FHIP2B: variants seen among roughly 807,000 people sequenced by gnomAD.
FHIP2B encodes the protein FHF complex subunit HOOK interacting protein 2B.
A neutral mutation model predicts 84.0 loss-of-function variants in FHIP2B; 72 were observed. That is an observed-to-expected ratio of 0.86 (90% CI 0.71 to 1.04). FHIP2B has a LOEUF of 1.04. Among genes scored for constraint, FHIP2B ranks in the 50% least tolerant of loss-of-function variants. The pLI is 0.00. For synonymous variants in FHIP2B, 497 were observed against 418.7 expected, an observed-to-expected ratio of 1.19 and a Z score of -2.28; for missense variants, 972 against 968.9, an observed-to-expected ratio of 1.00 and a Z score of -0.04.
intron 1 of FHIP2B, among the ~76,000 whole-genome samples, chr8:22,090,912 C>G (rs1703413925): frequency 6.6e-6 from 1 of 152,102 alleles, no homozygotes; most frequent in Non-Finnish European, 1.5e-5. Flanking sequence ...GCCACCGCAC[C>G]CGGCTAGGAG....
chr8:22,089,785 G>A, intron 1 of FHIP2B: 1 of 1,286,184 alleles, frequency 7.8e-7, no homozygotes, highest in African/African-American at 1.5e-5. Context: ...TTGTTGGGGT[G>A]CAGGACGCCC....
chr8:22,098,808 T>A, intron 7 of FHIP2B, 140 bp from the exon 8 acceptor site: 1 of 941,602 alleles, frequency 1.1e-6, no homozygotes, highest in South Asian at 1.7e-5. Flanking sequence ...GCTGCCTCTG[T>A]CCATAAAACC....
At position 22,103,725 on chromosome 8, in the gene FHIP2B, T is replaced by G. The variant is rs1826252140; in HGVS notation, c.*794T>G. 1 of 152,330 alleles carries G rather than the reference T, an allele frequency of 6.6e-6. No individual in the cohort carries two copies. Among genetic ancestry groups the G allele is most frequent in the Admixed American group, 6.5e-5 (1 of 15,286 alleles). The allele number at this position is 152,330 out of a possible 1,614,324, so 9.4% of individuals were successfully genotyped here. The stretch of plus-strand genomic sequence containing the variant: ...GACCAGGGGAGGCCGGGCCTTGCCC[T>G]CCCTTCTGCCCAGGGCCCAGTGTTC... On this transcript the variant is annotated 3_prime_UTR_variant, in exon 17 of 17. Transcript: ENST00000289921.
chr8:22,097,609 A>G lies in FHIP2B; in HGVS notation c.391A>G (p.Arg131Gly), dbSNP rs1463034834. The change falls in exon 4 of 17, where the codon AGG (arginine) becomes GGG (glycine). Residue 131 changes from arginine (R) to glycine (G), a missense_variant. Physicochemically the swap from Arg to Gly is moderately radical, Grantham distance 125. Coordinates refer to ENST00000289921, the MANE Select transcript of FHIP2B (RefSeq NM_022749.7). ...HPLLHYLSVHRPVQKLLRLGG... is the reference protein window; with the variant it reads ...HPLLHYLSVHGPVQKLLRLGG... ...CCTGCTGCATTACCTCAGCGTCCAC[A>G]GGCCTGTGCAGGTGAGGGGCCCGGA... The G allele has an allele frequency of 6.2e-7, 1 of 1,605,738 alleles. No homozygotes were observed. The highest frequency in any genetic ancestry group is 2.2e-5 in the East Asian group (1 of 44,494).
intron 1 of FHIP2B, among the ~76,000 whole-genome samples, chr8:22,091,456 C>T (rs1825488741): frequency 6.6e-6 from 1 of 152,158 alleles, no homozygotes; most frequent in African/African-American, 2.4e-5. Context: ...GTTGGCCAGG[C>T]TGGTCTCGAA....
At chr8:22,098,808 T>C (rs1024525325) in intron 7 of FHIP2B, 140 bp from the exon 8 acceptor site, 2 of 941,602 alleles carry the variant, frequency 2.1e-6, no homozygotes, top group African/African-American at 3.3e-5. Flanking sequence ...GCTGCCTCTG[T>C]CCATAAAACC....
At chr8:22,099,610 C>A in intron 9 of FHIP2B, 94 bp from the exon 10 acceptor site, 1 of 1,397,710 alleles carries the variant, frequency 7.2e-7, no homozygotes. Context: ...GACATACCAG[C>A]CAAACATGCG....
chr8:22,094,418 G>T, intron 1 of FHIP2B, 22 bp from the exon 2 acceptor site: 1 of 1,584,794 alleles, frequency 6.3e-7, no homozygotes, highest in South Asian at 1.1e-5. Context: ...CCCCACTGAG[G>T]TTGTGTGTCT....
At position 22,089,175 on chromosome 8, in the gene FHIP2B, C is replaced by T; in HGVS notation, c.-79C>T. ...GCCCCCCTCGTCGCGCCGGGGCCGC[C>T]GGGGCCACGGGGCTGCCTCCTCCGC... On this transcript the variant is annotated 5_prime_UTR_variant, in exon 1 of 17. Transcript: ENST00000289921. 1.1e-6 allele frequency: 1 copy of T among 938,700 alleles called. No homozygotes were observed. Among genetic ancestry groups the T allele is most frequent in the Non-Finnish European group, 1.3e-6 (1 of 772,658 alleles). 58.1% of individuals were successfully genotyped at this position (938,700 alleles called of 1,614,324 possible). A position where few individuals can be genotyped will look rare whatever the true frequency, so the allele number is the denominator to read the frequency against.
At chr8:22,099,566 G>A (rs1586337696) in intron 9 of FHIP2B, 138 bp from the exon 10 acceptor site, 4 of 1,155,068 alleles carry the variant, frequency 3.5e-6, no homozygotes, top group Non-Finnish European at 2.4e-6. Context: ...ACCCTTCCCT[G>A]CAGGACCTCA....
chr8:22,090,318 C>T (rs1782623495), intron 1 of FHIP2B, among the ~76,000 whole-genome samples: 1 of 152,230 alleles, frequency 6.6e-6, no homozygotes. Context: ...CCCACCACCT[C>T]CTCCCCAACC....
At position 22,094,508 on chromosome 8, in the gene FHIP2B, C is replaced by G. The variant is rs764723609; in HGVS notation, c.114C>G (p.Ile38Met). 5 of 1,611,090 alleles carry G rather than the reference C, an allele frequency of 3.1e-6. No individual in the cohort carries two copies. The highest frequency in any genetic ancestry group is 3.4e-6 in the Non-Finnish European group (4 of 1,178,858). ...EHWKGITHYYIESTDESTPAK... is the reference protein window; with the variant it reads ...EHWKGITHYYMESTDESTPAK... ...GGAAGGGCATCACGCACTACTACAT[C>G]GAGAGCACAGGTGCGGCCTGGCCCT... Residue 38 changes from isoleucine (I) to methionine (M), a missense_variant, in exon 2 of 17, where the codon ATC becomes ATG. By Grantham distance (10) the Ile-to-Met change is conservative (BLOSUM62 1). Transcript: ENST00000289921.
rs528410003 is a variant in FHIP2B, at chr8:22,104,271, A to T, written c.*1340A>T. 120 of 152,414 alleles carry T rather than the reference A, an allele frequency of 7.9e-4. 1 individual carries two copies. Among genetic ancestry groups the T allele is most frequent in the African/African-American group, 2.8e-3 (116 of 41,522 alleles). 9.4% of individuals were successfully genotyped at this position (152,414 alleles called of 1,614,324 possible). ...TGCGTCTGGACTCTTAGATTCATAAAATATTCGAGGGTTTGGGAGTCACAG... is the reference window on the plus strand; with the variant it reads ...TGCGTCTGGACTCTTAGATTCATAATATATTCGAGGGTTTGGGAGTCACAG... On this transcript the variant is annotated 3_prime_UTR_variant, in exon 17 of 17. Transcript: ENST00000289921.
Position 22,098,613 on chromosome 8 carries a change from G to A in FHIP2B, c.959G>A (p.Ser320Asn). The change falls in exon 7 of 17, where the codon AGC becomes AAC. Residue 320 changes from serine (S) to asparagine (N), a missense_variant. Ser to Asn is a conservative substitution (Grantham distance 46, BLOSUM62 1). Coordinates refer to ENST00000289921, the MANE Select transcript of FHIP2B (RefSeq NM_022749.7). ...PADIATLEGI[S>N]WRLPSAPSDE... ...GACATTGCCACCTTAGAGGGCATCA[G>A]CTGGAGGTGGGTGCCCAGCCCGGGA... 2 of 1,561,252 alleles carry A rather than the reference G, an allele frequency of 1.3e-6. No homozygotes were observed. The highest frequency in any genetic ancestry group is 1.7e-6 in the Non-Finnish European group (2 of 1,149,566).
At position 22,098,982 on chromosome 8, in the gene FHIP2B, C is replaced by G. The variant is rs373381342; in HGVS notation, c.1000C>G (p.Pro334Ala). The G allele has an allele frequency of 3.5e-5, 56 of 1,607,934 alleles. No homozygotes were observed. The highest frequency in any genetic ancestry group is 4.8e-5 in the Non-Finnish European group (56 of 1,177,146). ...PSAPSDEASFPGKEALAAFLG... is the reference protein window; with the variant it reads ...PSAPSDEASFAGKEALAAFLG... ...TGCCCCGTCTGATGAGGCTTCCTTC[C>G]CTGGCAAGGAGGCCTTGGCTGCCTT... Residue 334 changes from proline (P) to alanine (A), a missense_variant, in exon 8 of 17, where the codon CCT becomes GCT. Transcript: ENST00000289921.
chr8:22,090,153 T>TTGGCG (rs1554573640), intron 1 of FHIP2B, among the ~76,000 whole-genome samples: 2 of 97,840 alleles, frequency 2.0e-5, no homozygotes, highest in East Asian at 6.7e-4. Context: ...CCCGGTAGGG[T>TTGGCG]GGGGGGGGTG....
chr8:22,096,302 T>G (rs972594636), intron 2 of FHIP2B, 35 bp from the exon 3 acceptor site: 3 of 1,504,606 alleles, frequency 2.0e-6, no homozygotes, highest in Admixed American at 2.1e-5. Context: ...TGCCCCTCTT[T>G]ACCCTACTCA....
intron 2 of FHIP2B, 113 bp from the exon 3 acceptor site, chr8:22,096,224 C>A (rs1214112704): frequency 3.8e-6 from 4 of 1,052,942 alleles, no homozygotes; most frequent in Non-Finnish European, 5.3e-6. Context: ...TGTCTTCCCC[C>A]ACCTCTCCCA....
chr8:22,096,047 C>T (rs1319207170), intron 2 of FHIP2B: 2 of 308,220 alleles, frequency 6.5e-6, no homozygotes, highest in East Asian at 7.4e-5. Context: ...GTGTCCCTGT[C>T]TCTGTACCCA....
Sources: allele counts gnomAD v4.1 joint callset (sites outside exome capture counted in the v4.1 genomes callset), GRCh38; gene constraint gnomAD v4.1.1; transcripts MANE v1.5; gene names NCBI Gene and HGNC (gene_info 2026-07-23, HGNC 2026-07-21).